ULK1: variants seen among roughly 807,000 people sequenced by gnomAD.
ULK1 encodes serine/threonine-protein kinase ULK1.
In ULK1, 48 loss-of-function variants were observed where a neutral mutation model predicts 117.5. The observed-to-expected ratio is 0.41, with a 90% CI of 0.32 to 0.52. The LOEUF (loss-of-function observed/expected upper bound fraction) is 0.52, where lower values mean the gene tolerates loss of function less well. Ranked by LOEUF, ULK1 falls within the 20% of genes least tolerant of loss-of-function variation. The probability of loss-of-function intolerance (pLI) is 0.29; values close to 1 mark genes in which losing one functional copy is unlikely to be tolerated. For synonymous variants in ULK1, 790 were observed against 637.8 expected (o/e 1.24, Z -3.60); for missense variants, 1,387 against 1,473.4 (o/e 0.94, Z 0.96).
At chr12:131,901,175 A>G (rs1298104993) in intron 3 of ULK1, among the ~76,000 whole-genome samples, 1 of 151,880 alleles carries the variant, frequency 6.6e-6, no homozygotes, top group Non-Finnish European at 1.5e-5. Flanking sequence ...CCTGGCCAAC[A>G]TGGCAAAACC....
Position 131,921,331 on chromosome 12 carries a change from C to G in ULK1, c.3123C>G (p.Leu1041=). 4 of 1,606,082 alleles carry G rather than the reference C, an allele frequency of 2.5e-6. No homozygotes were observed. The highest frequency in any genetic ancestry group is 3.4e-6 in the Non-Finnish European group (4 of 1,179,948). Residue 1041 remains leucine, a synonymous_variant, in exon 28 of 28, where the codon CTC becomes CTG. Coordinates refer to ENST00000321867, the MANE Select transcript of ULK1 (RefSeq NM_003565.4). ...TKCKLCIERR[L]SALLTGICA is the part of the protein sequence containing the mutation. ...GCAAGCTGTGCATTGAGCGGAGACT[C>G]TCGGCGCTGCTGACTGGCATCTGTG...
Position 131,916,575 on chromosome 12 carries a change from A to G in ULK1, c.2056A>G (p.Lys686Glu). 2 of 1,585,466 alleles carry G rather than the reference A, an allele frequency of 1.3e-6. No homozygotes were observed. The highest frequency in any genetic ancestry group is 2.2e-5 in the East Asian group (1 of 44,576). ...GPGLRPGEDP[K>E]GPFGRSFSTS... ...TGGCCTGCGGCCAGGCGAGGACCCC[A>G]AGGGCCCCTTTGGCCGGTGAGTTGA... is the stretch of plus-strand genomic sequence containing the variant. Residue 686 changes from lysine (K) to glutamate (E), a missense_variant, in exon 20 of 28, where the codon AAG becomes GAG. Lys to Glu is a moderately conservative substitution (Grantham distance 56, BLOSUM62 1). This residue lies in a region of ULK1 where 900 missense variants were observed against 858.9 expected (regional missense o/e 1.05). Coordinates refer to ENST00000321867, the MANE Select transcript of ULK1 (RefSeq NM_003565.4).
chr12:131,917,085 G>A (rs1889833013), intron 21 of ULK1, 23 bp downstream of exon 21: 1 of 1,467,382 alleles, frequency 6.8e-7, no homozygotes, highest in South Asian at 1.2e-5. Context: ...GTGGGGCTCG[G>A]AGGCTGTGGG....
chr12:131,918,705 TTC>T (rs2136410737), intron 23 of ULK1, 24 bp downstream of exon 23: 1 of 1,345,922 alleles, frequency 7.4e-7, no homozygotes, highest in East Asian at 3.5e-5. Flanking sequence ...TGAGCAAAGG[TTC>T]CCATTCTGGC....
chr12:131,917,752 C>T (rs1889928787), intron 22 of ULK1, among the ~76,000 whole-genome samples, 198 bp downstream of exon 22: 2 of 152,180 alleles, frequency 1.3e-5, no homozygotes, highest in African/African-American at 2.4e-5. Flanking sequence ...GGTATCCACC[C>T]CTCAGACCAC....
Position 131,902,024 on chromosome 12 carries a change from G to A in ULK1, c.247-4868G>A, listed in dbSNP as rs1889110410. On this transcript the variant is annotated intron_variant, in intron 3 of 27. Coordinates refer to ENST00000321867, the MANE Select transcript of ULK1 (RefSeq NM_003565.4). The surrounding 1 kb of genome is among the most constrained non-coding windows in gnomAD (Gnocchi z 6.3). The stretch of plus-strand genomic sequence containing the variant: ...ACCCCCTGCGGCTGGCTCCCGGATT[G>A]TCCAGACCCCCAGGCCCAGCAGGCG... Among the ~76,000 whole-genome samples the A allele has an allele frequency of 1.3e-5, 2 of 152,158 alleles. No individual in the cohort carries two copies.
chr12:131,914,214 A>C, intron 15 of ULK1, 138 bp from the exon 16 acceptor site: 1 of 1,379,592 alleles, frequency 7.2e-7, no homozygotes, highest in Non-Finnish European at 9.8e-7. Flanking sequence ...CTCTTTTCAG[A>C]CCTGGCATGG....
At chr12:131,920,258 G>T (rs1890093077) in intron 26 of ULK1, 122 bp downstream of exon 26, 1 of 1,306,206 alleles carries the variant, frequency 7.7e-7, no homozygotes, top group Non-Finnish European at 1.0e-6. Context: ...ACTTCTGGAG[G>T]TCTTGAAATG....
In ULK1 at chr12:131,906,911, AC is replaced by A. The variant is rs1439460898; in HGVS notation, c.268del (p.Leu90TrpfsTer21). On this transcript the variant is annotated frameshift_variant, in exon 4 of 28. Coordinates refer to ENST00000321867, the MANE Select transcript of ULK1 (RefSeq NM_003565.4). LOFTEE classifies it high-confidence loss of function. Reference sequence around the variant, plus strand: ...TTGCAGGAAATGGCTAATTCTGTCTACCTGGTTATGGAGGTGAGTGCCTTGT... The same window carrying A: ...TTGCAGGAAATGGCTAATTCTGTCTACTGGTTATGGAGGTGAGTGCCTTGT... ...YDFQEMANSV[Y>X]LVMEYCNGGD... The A allele has an allele frequency of 6.2e-7, 1 of 1,613,998 alleles. No individual in the cohort carries two copies. The highest frequency in any genetic ancestry group is 8.5e-7 in the Non-Finnish European group (1 of 1,179,990).
intron 20 of ULK1, 108 bp from the exon 21 acceptor site, chr12:131,916,845 G>A: frequency 1.8e-6 from 2 of 1,107,746 alleles, no homozygotes; most frequent in East Asian, 2.6e-5. Context: ...TCTCGAGGTG[G>A]GCCAGGAGAC....
At position 131,918,796 on chromosome 12, in the gene ULK1, G is replaced by GGTGTGGGGTGTAGA. The variant is rs1566128939; in HGVS notation, c.2511+128_2511+129insAGTGTGGGGTGTAG. The GGTGTGGGGTGTAGA allele has an allele frequency of 6.7e-5, 33 of 489,214 alleles. 3 individuals carry two copies. The highest frequency in any genetic ancestry group is 1.0e-4 in the East Asian group (1 of 9,620). The allele number at this position is 489,214 out of a possible 1,614,324, so 30.3% of individuals were successfully genotyped here. ...GGGGTGTCGGGTGTGGGGTGTCGGG[G>GGTGTGGGGTGTAGA]GTGTGGGGTGTAGTGTGTGGGGTGT... On this transcript the variant is annotated intron_variant, in intron 23 of 27. Transcript: ENST00000321867.
intron 16 of ULK1, 42 bp downstream of exon 16, chr12:131,914,519 T>G: frequency 1.3e-6 from 2 of 1,594,180 alleles, no homozygotes; most frequent in Non-Finnish European, 1.7e-6. Context: ...GGCTGGGGCC[T>G]TGTGTGGCAG....
At chr12:131,919,649 C>T in intron 25 of ULK1, 59 bp downstream of exon 25, 4 of 1,571,926 alleles carry the variant, frequency 2.5e-6, no homozygotes, top group Non-Finnish European at 2.6e-6. Flanking sequence ...CACCTTGCAA[C>T]TGCCTGGGTG....
rs986379346 is a variant in ULK1, at chr12:131,923,113, A to G, written c.*1752A>G. The G allele has an allele frequency of 1.3e-5, 2 of 152,222 alleles. No individual in the cohort carries two copies. The highest frequency in any genetic ancestry group is 2.9e-5 in the Non-Finnish European group (2 of 68,034). The allele number at this position is 152,222 out of a possible 1,614,324, so 9.4% of individuals were successfully genotyped here. A position where few individuals can be genotyped will look rare whatever the true frequency, so the allele number is the denominator to read the frequency against. On this transcript the variant is annotated 3_prime_UTR_variant, in exon 28 of 28. Transcript: ENST00000321867. Reference sequence around the variant, plus strand: ...TTTCCTGCCCTTTGCGTTATATTGTATAATACCAACGTAAGGAAATAAACC... The same window carrying G: ...TTTCCTGCCCTTTGCGTTATATTGTGTAATACCAACGTAAGGAAATAAACC...
rs561456477 is a variant in ULK1 at position 131,903,207 on chromosome 12, C to A, written c.247-3685C>A. 6.6e-6 allele frequency among the ~76,000 whole-genome samples: 1 copy of A among 152,306 alleles called. No homozygotes were observed. Among genetic ancestry groups the A allele is most frequent in the Admixed American group, 6.5e-5 (1 of 15,302 alleles). ...TGCAGCTGCCCTGGAGGAGCTCCCC[C>A]AGCCCTGGCAGAGGTGGTCCTGGGC... On this transcript the variant is annotated intron_variant, in intron 3 of 27. Transcript: ENST00000321867. This position sits in a 1 kb window ranked among gnomAD's most constrained non-coding sequence, Gnocchi z 6.0.
At chr12:131,915,828 G>T in intron 18 of ULK1, 63 bp from the exon 19 acceptor site, 9 of 1,591,366 alleles carry the variant, frequency 5.7e-6, no homozygotes, top group Non-Finnish European at 7.7e-6. Flanking sequence ...CCGTGTGGTA[G>T]CAGTGGGGCC....
chr12:131,911,919 C>T (rs763823550), intron 12 of ULK1, 23 bp from the exon 13 acceptor site: 3 of 1,612,684 alleles, frequency 1.9e-6, no homozygotes, highest in East Asian at 2.2e-5. Context: ...GACCTGCTCA[C>T]CAGCCCCTCC....
In ULK1 at chr12:131,902,289, G is replaced by A. The variant is rs1729067693; in HGVS notation, c.247-4603G>A. Among the ~76,000 whole-genome samples, 2 of 152,180 alleles carry A rather than the reference G, an allele frequency of 1.3e-5. No individual in the cohort carries two copies. Among genetic ancestry groups the A allele is most frequent in the Admixed American group, 6.5e-5 (1 of 15,284 alleles). On this transcript the variant is annotated intron_variant, in intron 3 of 27. Coordinates refer to ENST00000321867, the MANE Select transcript of ULK1 (RefSeq NM_003565.4). This position sits in a 1 kb window ranked among gnomAD's most constrained non-coding sequence, Gnocchi z 6.3. ...CTCTGGAGGTGTGAACTAGGTCAGT[G>A]CCTGCTCACCAGGCCCAGCCCAGGA...
chr12:131,909,705 G>T, intron 8 of ULK1, 70 bp from the exon 9 acceptor site: 1 of 1,433,926 alleles, frequency 7.0e-7, no homozygotes. Flanking sequence ...GGGGACGAAC[G>T]CACCGAGACC....
Sources: allele counts gnomAD v4.1 joint callset (sites outside exome capture counted in the v4.1 genomes callset), GRCh38; gene constraint gnomAD v4.1.1; regional missense constraint gnomAD v4.1.1; non-coding constraint Gnocchi (gnomAD v3.1); transcripts MANE v1.5; gene names NCBI Gene and HGNC (gene_info 2026-07-23, HGNC 2026-07-21).